FLRT2: variants seen among roughly 807,000 people sequenced by gnomAD.
FLRT2 encodes fibronectin leucine rich transmembrane protein 2.
A neutral mutation model predicts 40.0 loss-of-function variants in FLRT2; 15 were observed. That is an observed-to-expected ratio of 0.38 (90% CI 0.25 to 0.58). FLRT2 has a LOEUF of 0.58. FLRT2 is among the 20% of genes least tolerant of loss of function. The probability of loss-of-function intolerance (pLI) is 0.71; values close to 1 mark genes in which losing one functional copy is unlikely to be tolerated. For synonymous variants in FLRT2, 380 were observed against 336.8 expected (o/e 1.13, Z -1.41); for missense variants, 726 against 840.0 (o/e 0.86, Z 1.68).
intron 1 of FLRT2, among the ~76,000 whole-genome samples, chr14:85,571,556 A>C (rs1467587923): frequency 6.6e-6 from 1 of 152,186 alleles, no homozygotes; most frequent in Non-Finnish European, 1.5e-5. Flanking sequence ...AATTAGAATT[A>C]AATGTAATCA....
At chr14:85,568,403 C>T (rs1479513016) in intron 1 of FLRT2, among the ~76,000 whole-genome samples, 1 of 152,100 alleles carries the variant, frequency 6.6e-6, no homozygotes, top group Admixed American at 6.5e-5. Flanking sequence ...TGGACAGGCT[C>T]AAGGACCATG....
intron 1 of FLRT2, among the ~76,000 whole-genome samples, chr14:85,564,483 T>C (rs1259770802): frequency 1.3e-5 from 2 of 152,210 alleles, no homozygotes; most frequent in African/African-American, 4.8e-5. Context: ...ATTAAAAGCC[T>C]AAGTCATTAC....
At chr14:85,611,911 CGAAA>C (rs1892887218) in intron 1 of FLRT2, among the ~76,000 whole-genome samples, 4 of 128,250 alleles carry the variant, frequency 3.1e-5, no homozygotes, top group Non-Finnish European at 3.4e-5. Flanking sequence ...CGCGCGTGCG[CGAAA>C]GCGTGTGTGT....
intron 1 of FLRT2, among the ~76,000 whole-genome samples, chr14:85,618,913 C>T (rs1893258370): frequency 6.6e-6 from 1 of 152,028 alleles, no homozygotes; most frequent in Non-Finnish European, 1.5e-5. Flanking sequence ...TGGTTTGAAA[C>T]CTGAGCTAAG....
chr14:85,611,805 G>A (rs973907018), intron 1 of FLRT2, among the ~76,000 whole-genome samples: 1 of 152,002 alleles, frequency 6.6e-6, no homozygotes, highest in Non-Finnish European at 1.5e-5. Flanking sequence ...ATTGACCATT[G>A]AAGATTGGAA....
intron 1 of FLRT2, among the ~76,000 whole-genome samples, chr14:85,548,491 T>C (rs1271958141): frequency 6.6e-6 from 1 of 152,210 alleles, no homozygotes; most frequent in Non-Finnish European, 1.5e-5. Context: ...ATCAGAGGCC[T>C]TAGAACTTGA....
chr14:85,562,448 G>A (rs571042464), intron 1 of FLRT2, among the ~76,000 whole-genome samples: 1 of 152,176 alleles, frequency 6.6e-6, no homozygotes, highest in African/African-American at 2.4e-5. Context: ...CAGGTTATTT[G>A]ACTTTTGGGA....
chr14:85,585,750 A>C (rs910415885), intron 1 of FLRT2, among the ~76,000 whole-genome samples: 1 of 152,052 alleles, frequency 6.6e-6, no homozygotes, highest in East Asian at 1.9e-4. Context: ...AAATGACAGG[A>C]TATTTGGTAA....
intron 1 of FLRT2, among the ~76,000 whole-genome samples, chr14:85,618,437 C>A (rs1404763191): frequency 1.3e-5 from 2 of 152,104 alleles, no homozygotes; most frequent in East Asian, 3.9e-4. Flanking sequence ...TTATTAATAG[C>A]ACCAAACTGT....
intron 1 of FLRT2, among the ~76,000 whole-genome samples, chr14:85,571,165 ATGATATCTG>A (rs1452725389): frequency 1.3e-5 from 2 of 152,102 alleles, no homozygotes; most frequent in Non-Finnish European, 2.9e-5. Flanking sequence ...TCAGCCCTGG[ATGATATCTG>A]TGAATGTGTT....
In FLRT2 at chr14:85,535,419, A is replaced by G. The variant is rs1405864444; in HGVS notation, c.-377+4885A>G. 4.6e-5 allele frequency among the ~76,000 whole-genome samples: 7 copies of G among 150,634 alleles called. No homozygotes were observed. In the South Asian group the frequency reaches 1.5e-3, roughly 32 times the overall value. On this transcript the variant is annotated intron_variant, in intron 1 of 1. Transcript: ENST00000330753. ...CAGATTGGCATTTGTCCAGGGATAT[A>G]TTAGGTTGTTCAGTGTGAATGTAAA...
At chr14:85,579,253 T>G (rs756771485) in intron 1 of FLRT2, among the ~76,000 whole-genome samples, 1 of 152,170 alleles carries the variant, frequency 6.6e-6, no homozygotes, top group African/African-American at 2.4e-5. Flanking sequence ...ACTGGGATTA[T>G]GGGTTTCTCC....
intron 1 of FLRT2, among the ~76,000 whole-genome samples, chr14:85,555,486 T>C (rs1889889764): frequency 6.6e-6 from 1 of 152,084 alleles, no homozygotes; most frequent in Non-Finnish European, 1.5e-5. Context: ...TTTCCCCTTA[T>C]AAAACCATCA....
chr14:85,535,584 C>T (rs369312326), intron 1 of FLRT2, among the ~76,000 whole-genome samples: 1 of 152,120 alleles, frequency 6.6e-6, no homozygotes, highest in African/African-American at 2.4e-5. Flanking sequence ...ATACGCATAC[C>T]ATGAAAAGTT....
At position 85,619,913 on chromosome 14, in the gene FLRT2, G is replaced by A. The variant is rs769176442; in HGVS notation, c.-376-1226G>A. Reference sequence around the variant, plus strand: ...TCTGTCATTTCGAAATTTGCTAAAAGACCTCCTATAAAAGCAGGAAAGCAC... The same window carrying A: ...TCTGTCATTTCGAAATTTGCTAAAAAACCTCCTATAAAAGCAGGAAAGCAC... On this transcript the variant is annotated intron_variant, in intron 1 of 1. Coordinates refer to ENST00000330753, the MANE Select transcript of FLRT2 (RefSeq NM_013231.6). Among the ~76,000 whole-genome samples the A allele has an allele frequency of 3.9e-5, 6 of 152,326 alleles. No individual in the cohort carries two copies. In the South Asian group the frequency reaches 1.2e-3, roughly 32 times the overall value.
In FLRT2 at chr14:85,623,646, A is replaced by C; in HGVS notation, c.*149A>C. The C allele has an allele frequency of 1.8e-6, 1 of 560,582 alleles. No homozygotes were observed. The highest frequency in any genetic ancestry group is 2.9e-6 in the Non-Finnish European group (1 of 344,214). 34.7% of individuals were successfully genotyped at this position (560,582 alleles called of 1,614,324 possible). The stretch of plus-strand genomic sequence containing the variant: ...TACTCTGTAATTTATACGGTGTACT[A>C]TATAATGGGATTTAAAAAAAGTGCT... On this transcript the variant is annotated 3_prime_UTR_variant, in exon 2 of 2. Coordinates refer to ENST00000330753, the MANE Select transcript of FLRT2 (RefSeq NM_013231.6).
rs1416615420 is a variant in FLRT2 at position 85,637,124 on chromosome 14, A to G, written c.*13627A>G. On this transcript the variant is annotated 3_prime_UTR_variant, in exon 2 of 2. Coordinates refer to ENST00000330753, the MANE Select transcript of FLRT2 (RefSeq NM_013231.6). ...ATGTAAACACATTTTACACATACAA[A>G]TCTTTTCTGGCATGGGTACAAATGT... 6.6e-6 allele frequency: 1 copy of G among 152,136 alleles called. No individual in the cohort carries two copies. Among genetic ancestry groups the G allele is most frequent in the African/African-American group, 2.4e-5 (1 of 41,434 alleles). 9.4% of individuals were successfully genotyped at this position (152,136 alleles called of 1,614,324 possible).
intron 1 of FLRT2, among the ~76,000 whole-genome samples, chr14:85,530,810 G>A (rs1888227049): frequency 6.6e-6 from 1 of 152,022 alleles, no homozygotes; most frequent in Admixed American, 6.5e-5. Context: ...TTTCTTGCCT[G>A]GTAGATGCAT....
intron 1 of FLRT2, among the ~76,000 whole-genome samples, chr14:85,616,267 G>A (rs1316756987): frequency 8.6e-5 from 13 of 150,510 alleles, no homozygotes; most frequent in Admixed American, 7.9e-4. Flanking sequence ...TTCCTGGAGA[G>A]GAAGCAACAT....
Sources: gnomAD v4.1 joint callset for allele counts (sites outside exome capture counted in the v4.1 genomes callset) on GRCh38, gnomAD v4.1.1 for gene constraint, MANE v1.5 for transcripts, NCBI Gene and HGNC (gene_info 2026-07-23, HGNC 2026-07-21) for gene names.